SMCO4: variants seen among roughly 807,000 people sequenced by gnomAD.
SMCO4 encodes the protein single-pass membrane protein with coiled-coil domains 4, also known as single-pass membrane and coiled-coil domain-containing protein 4.
SMCO4 carries 4 observed loss-of-function variants against 3.6 expected under a neutral mutation model. That is an observed-to-expected ratio of 1.11 (90% CI 0.54 to 2.53). SMCO4 has a LOEUF of 2.53. SMCO4 is among the 30% of genes most tolerant of loss of function. The probability of loss-of-function intolerance (pLI) is 0.02; values close to 1 mark genes in which losing one functional copy is unlikely to be tolerated. For synonymous variants in SMCO4, 36 were observed against 35.3 expected, an observed-to-expected ratio of 1.02 and a Z score of -0.07; for missense variants, 70 against 80.8, an observed-to-expected ratio of 0.87 and a Z score of 0.51.
chr11:93,533,367 C>T (rs1949181102), intron 1 of SMCO4, among the ~76,000 whole-genome samples: 1 of 152,148 alleles, frequency 6.6e-6, no homozygotes, highest in Admixed American at 6.5e-5. Flanking sequence ...GAGGAGTAAA[C>T]GGCAGACCTT....
chr11:93,541,038 T>C (rs1223608221), intron 1 of SMCO4, among the ~76,000 whole-genome samples: 1 of 152,170 alleles, frequency 6.6e-6, no homozygotes, highest in Non-Finnish European at 1.5e-5. Context: ...CCAATATGGA[T>C]TTTGAAAGCT....
intron 2 of SMCO4, among the ~76,000 whole-genome samples, chr11:93,497,250 T>G (rs1394672543): frequency 6.6e-6 from 1 of 152,220 alleles, no homozygotes; most frequent in African/African-American, 2.4e-5. Context: ...AATAAAGCAC[T>G]GTGCTCTGCT....
chr11:93,530,993 T>C (rs555327430), intron 1 of SMCO4, among the ~76,000 whole-genome samples: 2 of 152,324 alleles, frequency 1.3e-5, no homozygotes, highest in African/African-American at 4.8e-5. Context: ...GCAGATATAA[T>C]ATTTTAAGAT....
intron 2 of SMCO4, among the ~76,000 whole-genome samples, chr11:93,480,136 A>G (rs1948574959): frequency 6.6e-6 from 1 of 152,168 alleles, no homozygotes; most frequent in African/African-American, 2.4e-5. Context: ...GATGAAGCAG[A>G]CTTCAGCTGA....
intron 2 of SMCO4, among the ~76,000 whole-genome samples, chr11:93,481,234 C>T (rs1049123144): frequency 5.3e-5 from 8 of 152,260 alleles, no homozygotes; most frequent in Non-Finnish European, 1.2e-4. Flanking sequence ...ATGCCATCAT[C>T]TGAACAATGA....
At chr11:93,531,909 C>T (rs1397747841) in intron 1 of SMCO4, among the ~76,000 whole-genome samples, 1 of 152,176 alleles carries the variant, frequency 6.6e-6, no homozygotes, top group Non-Finnish European at 1.5e-5. Context: ...AGAATGCAAC[C>T]ATTTGTCTCT....
At chr11:93,519,536 T>C (rs1316147662) in intron 1 of SMCO4, among the ~76,000 whole-genome samples, 4 of 152,210 alleles carry the variant, frequency 2.6e-5, no homozygotes, top group African/African-American at 7.2e-5. Flanking sequence ...GACCAGAGAT[T>C]AACTCCACAG....
At chr11:93,527,969 A>G (rs1372354164) in intron 1 of SMCO4, among the ~76,000 whole-genome samples, 1 of 152,144 alleles carries the variant, frequency 6.6e-6, no homozygotes, top group East Asian at 1.9e-4. Flanking sequence ...TAGGAATGTC[A>G]TAGGTTCACA....
rs991907744 is a variant in SMCO4, at chr11:93,478,756, C to A, written c.*254G>T. On this transcript the variant is annotated 3_prime_UTR_variant, in exon 3 of 3. Coordinates refer to ENST00000298966, the MANE Select transcript of SMCO4 (RefSeq NM_020179.3). ...ACACACACACACACACACACACATGCGCGCGCGCTTTGAAGTCTGAAAGGC... is the reference window on the plus strand; with the variant it reads ...ACACACACACACACACACACACATGAGCGCGCGCTTTGAAGTCTGAAAGGC... 3.3e-6 allele frequency: 3 copies of A among 914,254 alleles called. No homozygotes were observed. The highest frequency in any genetic ancestry group is 2.7e-5 in the South Asian group (1 of 36,628). 56.6% of individuals were successfully genotyped at this position (914,254 alleles called of 1,614,324 possible).
intron 2 of SMCO4, among the ~76,000 whole-genome samples, chr11:93,480,734 T>C (rs1014431779): frequency 2.6e-5 from 4 of 152,154 alleles, no homozygotes; most frequent in South Asian, 2.1e-4. Context: ...AGGAGGAAGA[T>C]GACATTTACA....
chr11:93,484,303 T>C (rs1196973647), intron 2 of SMCO4, among the ~76,000 whole-genome samples: 1 of 152,224 alleles, frequency 6.6e-6, no homozygotes, highest in Non-Finnish European at 1.5e-5. Context: ...CTTATGTATA[T>C]AGATATGCAT....
At chr11:93,553,568 A>G in the SMCO4 span, among the ~76,000 whole-genome samples, 123 of 152,354 alleles carry the variant, frequency 8.1e-4, 3 homozygotes, top group South Asian at 0.023. Flanking sequence ...TGCAGATCTC[A>G]AAACATAATT....
chr11:93,511,898 T>C (rs555201328), intron 1 of SMCO4, among the ~76,000 whole-genome samples: 2 of 152,334 alleles, frequency 1.3e-5, no homozygotes, highest in Non-Finnish European at 2.9e-5. Context: ...CCTGGTAATT[T>C]TCATTTTGTA....
intron 1 of SMCO4, among the ~76,000 whole-genome samples, chr11:93,536,346 A>T (rs1949224865): frequency 6.6e-6 from 1 of 152,226 alleles, no homozygotes; most frequent in Admixed American, 6.5e-5. Flanking sequence ...GCATACTAAT[A>T]TGTATGAATG....
chr11:93,502,959 C>A (rs949786627), intron 1 of SMCO4, among the ~76,000 whole-genome samples: 1 of 152,136 alleles, frequency 6.6e-6, no homozygotes, highest in Non-Finnish European at 1.5e-5. Flanking sequence ...AATTTGTATA[C>A]CAACTCAAGG....
chr11:93,512,975 G>A (rs746640126), intron 1 of SMCO4, among the ~76,000 whole-genome samples: 10 of 152,202 alleles, frequency 6.6e-5, no homozygotes, highest in South Asian at 4.1e-4. Context: ...AGGCAGTGGG[G>A]CAAGAGGATG....
At chr11:93,509,686 A>C (rs1948941067) in intron 1 of SMCO4, among the ~76,000 whole-genome samples, 1 of 152,216 alleles carries the variant, frequency 6.6e-6, no homozygotes, top group Admixed American at 6.5e-5. Flanking sequence ...ACGGAACTGG[A>C]GATCATTATT....
At chr11:93,512,636 A>C (rs1948967994) in intron 1 of SMCO4, among the ~76,000 whole-genome samples, 1 of 152,234 alleles carries the variant, frequency 6.6e-6, no homozygotes, top group African/African-American at 2.4e-5. Flanking sequence ...CATGCTGTAA[A>C]GGTTTGTAGC....
At chr11:93,525,689 A>T (rs1949099664) in intron 1 of SMCO4, among the ~76,000 whole-genome samples, 1 of 152,140 alleles carries the variant, frequency 6.6e-6, no homozygotes, top group Admixed American at 6.5e-5. Flanking sequence ...GACCAACAGG[A>T]TTGGATCCGG....
Sources: allele counts gnomAD v4.1 joint callset (sites outside exome capture counted in the v4.1 genomes callset), GRCh38; gene constraint gnomAD v4.1.1; transcripts MANE v1.5; gene names NCBI Gene and HGNC (gene_info 2026-07-23, HGNC 2026-07-21).